The following OSBPL3 variants were observed in gnomAD, a reference collection of about 807,000 sequenced individuals.
OSBPL3 encodes oxysterol binding protein like 3.
In OSBPL3, 65 loss-of-function variants were observed where a neutral mutation model predicts 120.1. The ratio of observed to expected loss-of-function variants is 0.54; its 90% CI spans 0.44 to 0.67. The LOEUF is 0.67. OSBPL3 is among the 30% of genes least tolerant of loss of function. The probability of loss-of-function intolerance (pLI) is 0.00; values close to 1 mark genes in which losing one functional copy is unlikely to be tolerated. For synonymous variants in OSBPL3, 416 were observed against 402.6 expected, an observed-to-expected ratio of 1.03 and a Z score of -0.40; for missense variants, 1,004 against 1,082.1, an observed-to-expected ratio of 0.93 and a Z score of 1.01.
chr7:24,945,599 G>C (rs535326268), intron 1 of OSBPL3, among the ~76,000 whole-genome samples: 10 of 152,288 alleles, frequency 6.6e-5, no homozygotes, highest in Middle Eastern at 3.4e-3. Context: ...GTTGAAAGTG[G>C]CACACTCTGA....
chr7:24,852,486 G>A lies in OSBPL3; in HGVS notation c.1158+18C>T, dbSNP rs547964507. ...TGGACACATCTCAGGCATTCCTGGA[G>A]GCAGACATGTAACTTACGGATGACA... On this transcript the variant is annotated intron_variant, in intron 11 of 22. Transcript: ENST00000313367. The surrounding 1 kb of genome is among the most constrained non-coding windows in gnomAD (Gnocchi z 4.1). 2.6e-6 allele frequency: 4 copies of A among 1,541,586 alleles called. No individual in the cohort carries two copies. The Admixed American group carries it at 6.9e-5, about 27-fold the overall frequency.
In OSBPL3 at chr7:24,849,211, A is replaced by G; in HGVS notation, c.1159-35T>C. 1 of 1,522,722 alleles carries G rather than the reference A, an allele frequency of 6.6e-7. No individual in the cohort carries two copies. The highest frequency in any genetic ancestry group is 9.1e-7 in the Non-Finnish European group (1 of 1,099,426). The allele number at this position is 1,522,722 out of a possible 1,614,324, so 94.3% of individuals were successfully genotyped here. ...GTTAAAATAGTGGGGCTCTGTTAAT[A>G]AATGGATGTTTCAGAAAAGCACAGC... is the stretch of plus-strand genomic sequence containing the variant. On this transcript the variant is annotated intron_variant, in intron 11 of 22. Coordinates refer to ENST00000313367, the MANE Select transcript of OSBPL3 (RefSeq NM_015550.4). This position sits in a 1 kb window ranked among gnomAD's most constrained non-coding sequence, Gnocchi z 5.4.
At position 24,885,515 on chromosome 7, in the gene OSBPL3, G is replaced by A. The variant is rs530118917; in HGVS notation, c.96+6862C>T. On this transcript the variant is annotated intron_variant, in intron 2 of 22. Coordinates refer to ENST00000313367, the MANE Select transcript of OSBPL3 (RefSeq NM_015550.4). ...CCAGAAACAGCAGGGTGACAAGAGT[G>A]AATTGCATAATTGTATGGAAACTTA... Among the ~76,000 whole-genome samples, 5 of 152,296 alleles carry A rather than the reference G, an allele frequency of 3.3e-5. No homozygotes were observed. In the East Asian group the frequency reaches 9.7e-4, roughly 29 times the overall value.
At position 24,870,726 on chromosome 7, in the gene OSBPL3, C is replaced by T. The variant is rs779810385; in HGVS notation, c.381+6G>A. The T allele has an allele frequency of 6.5e-7, 1 of 1,543,132 alleles. No homozygotes were observed. On this transcript the variant is annotated splice_donor_region_variant and intron_variant, in intron 5 of 22. Coordinates refer to ENST00000313367, the MANE Select transcript of OSBPL3 (RefSeq NM_015550.4). ...GTGAACTCTGCACAGTGGGAAGCAG[C>T]CTCACCTTCAGATGGTAGATGTGCT...
chr7:24,841,600 T>C (rs1361479223), intron 13 of OSBPL3, among the ~76,000 whole-genome samples: 2 of 142,792 alleles, frequency 1.4e-5, no homozygotes, highest in Non-Finnish European at 3.0e-5. Context: ...GAGGCTGAAG[T>C]ACGAGAATTG....
rs926942133 is a variant in OSBPL3 at position 24,898,525 on chromosome 7, G to C, written c.-149-5904C>G. On this transcript the variant is annotated intron_variant, in intron 1 of 22. Coordinates refer to ENST00000313367, the MANE Select transcript of OSBPL3 (RefSeq NM_015550.4). The surrounding 1 kb of genome is among the most constrained non-coding windows in gnomAD (Gnocchi z 4.3). ...CTCAAATGCTTACTCTGGCACAATA[G>C]AGTATCCATTTCTATTCCCTGCTCC... Among the ~76,000 whole-genome samples the C allele has an allele frequency of 2.0e-5, 3 of 152,132 alleles. No individual in the cohort carries two copies. The highest frequency in any genetic ancestry group is 4.8e-5 in the African/African-American group (2 of 41,418).
chr7:24,971,273 G>A (rs1421880073), intron 1 of OSBPL3, among the ~76,000 whole-genome samples: 1 of 152,184 alleles, frequency 6.6e-6, no homozygotes, highest in Admixed American at 6.5e-5. Flanking sequence ...AAACTACTTC[G>A]CCCTCTCTAA....
chr7:24,868,338 AGTGTGTGTGTGT>A (rs55688298), intron 5 of OSBPL3, among the ~76,000 whole-genome samples: 2,794 of 137,936 alleles, frequency 0.02, 81 homozygotes, highest in African/African-American at 0.059. Context: ...AAAAAAAAAA[AGTGTGTGTGTGT>A]GTGTGTGTGT....
In OSBPL3 at chr7:24,871,618, T is replaced by C. The variant is rs1461091241; in HGVS notation, c.267+124A>G. On this transcript the variant is annotated intron_variant, in intron 4 of 22. Transcript: ENST00000313367. The surrounding 1 kb of genome is among the most constrained non-coding windows in gnomAD (Gnocchi z 4.8). ...GGAACCCAGAGCTCAGACAGAAGTG[T>C]TTCCCCTCTATGGTTTCCAGTTCCG... is the stretch of plus-strand genomic sequence containing the variant. 2.7e-6 allele frequency: 2 copies of C among 738,214 alleles called. No individual in the cohort carries two copies. The highest frequency in any genetic ancestry group is 2.6e-5 in the Admixed American group (1 of 38,972). 45.7% of individuals were successfully genotyped at this position (738,214 alleles called of 1,614,324 possible).
Position 24,806,834 on chromosome 7 carries a change from C to A in OSBPL3, c.2386G>T (p.Asp796Tyr). The A allele has an allele frequency of 6.2e-7, 1 of 1,613,656 alleles. No homozygotes were observed. The highest frequency in any genetic ancestry group is 8.5e-7 in the Non-Finnish European group (1 of 1,179,552). ...TQFALELNEM[D>Y]PSSKSLLPPT... ...GGCAATAAAGACTTTGATGATGGAT[C>A]CATTTCATTTAATTCCAGCGCAAAC... Residue 796 changes from aspartate to tyrosine, a missense_variant, in exon 21 of 23, where the codon GAT becomes TAT. By Grantham distance (160) the Asp-to-Tyr change is radical. Around this residue, in one of 4 missense-constraint regions of OSBPL3, gnomAD observed 473 missense variants for 568.0 expected, o/e 0.83. Coordinates refer to ENST00000313367, the MANE Select transcript of OSBPL3 (RefSeq NM_015550.4). The surrounding 1 kb of genome is among the most constrained non-coding windows in gnomAD (Gnocchi z 5.2).
intron 2 of OSBPL3, among the ~76,000 whole-genome samples, chr7:24,880,442 C>A (rs1803515050): frequency 1.3e-5 from 2 of 152,120 alleles, no homozygotes; most frequent in African/African-American, 2.4e-5. Context: ...CCCAGCGGAA[C>A]AAGTCTGTCT....
intron 1 of OSBPL3, among the ~76,000 whole-genome samples, chr7:24,902,267 G>C (rs1402543128): frequency 6.6e-6 from 1 of 152,086 alleles, no homozygotes; most frequent in Non-Finnish European, 1.5e-5. Context: ...AAAACACAAA[G>C]GATATATACA....
At chr7:24,944,504 C>T (rs1454928323) in intron 1 of OSBPL3, among the ~76,000 whole-genome samples, 1 of 152,030 alleles carries the variant, frequency 6.6e-6, no homozygotes, top group Admixed American at 6.5e-5. Context: ...GTGGCACGTA[C>T]CTGTAATCCC....
In OSBPL3 at chr7:24,835,366, A is replaced by G. The variant is rs756165055; in HGVS notation, c.1496-630T>C. 6.6e-6 allele frequency among the ~76,000 whole-genome samples: 1 copy of G among 152,166 alleles called. No homozygotes were observed. The highest frequency in any genetic ancestry group is 1.5e-5 in the Non-Finnish European group (1 of 68,026). ...AAATGCAAATCAAAACCACAATGAG[A>G]TATCATCTCATACCAATCAGAATAG... On this transcript the variant is annotated intron_variant, in intron 14 of 22. Transcript: ENST00000313367. This position sits in a 1 kb window ranked among gnomAD's most constrained non-coding sequence, Gnocchi z 4.8.
chr7:24,895,005 GAA>G (rs1334364975), intron 1 of OSBPL3, among the ~76,000 whole-genome samples: 2 of 152,144 alleles, frequency 1.3e-5, no homozygotes, highest in African/African-American at 4.8e-5. Flanking sequence ...TTCTGGGAAA[GAA>G]AGAGAGGGGA....
intron 1 of OSBPL3, among the ~76,000 whole-genome samples, chr7:24,923,677 G>A (rs1414889591): frequency 6.6e-6 from 1 of 152,192 alleles, no homozygotes; most frequent in Non-Finnish European, 1.5e-5. Flanking sequence ...CACATGCAAT[G>A]AGACAGGGGC....
chr7:24,877,498 C>T lies in OSBPL3; in HGVS notation c.97-5429G>A, dbSNP rs1803013061. The stretch of plus-strand genomic sequence containing the variant: ...CTCCCTGGATGACAGTCACCTTGCA[C>T]TGTCAGCCTCCCTAGCTAGAACATG... On this transcript the variant is annotated intron_variant, in intron 2 of 22. Transcript: ENST00000313367. The surrounding 1 kb of genome is among the most constrained non-coding windows in gnomAD (Gnocchi z 4.8). Among the ~76,000 whole-genome samples the T allele has an allele frequency of 6.6e-6, 1 of 152,190 alleles. No homozygotes were observed. Among genetic ancestry groups the T allele is most frequent in the Non-Finnish European group, 1.5e-5 (1 of 68,026 alleles).
intron 2 of OSBPL3, among the ~76,000 whole-genome samples, chr7:24,890,628 C>A (rs1162539878): frequency 2.6e-5 from 4 of 152,184 alleles, no homozygotes; most frequent in Non-Finnish European, 5.9e-5. Context: ...TAACTTCAGG[C>A]TGAAGTTAAA....
At chr7:24,931,791 A>G (rs1811823857) in intron 1 of OSBPL3, among the ~76,000 whole-genome samples, 1 of 152,232 alleles carries the variant, frequency 6.6e-6, no homozygotes, top group Admixed American at 6.5e-5. Context: ...GGAAATAAAG[A>G]GAAGTATGAA....
Sources: gnomAD v4.1 joint callset for allele counts (sites outside exome capture counted in the v4.1 genomes callset) on GRCh38, gnomAD v4.1.1 for gene constraint, gnomAD v4.1.1 regional missense constraint, Gnocchi (gnomAD v3.1) non-coding constraint, MANE v1.5 for transcripts, NCBI Gene and HGNC (gene_info 2026-07-23, HGNC 2026-07-21) for gene names.